The following CCNH variants were observed in gnomAD, a reference collection of about 807,000 sequenced individuals.
CCNH encodes the protein cyclin-H.
Under a neutral mutation model 41.9 loss-of-function variants are expected in CCNH, and 31 were observed. That is an observed-to-expected ratio of 0.74 (90% confidence interval 0.56 to 1.00). The LOEUF (loss-of-function observed/expected upper bound fraction) is 1.00, where lower values mean the gene tolerates loss of function less well. Among genes scored for constraint, CCNH ranks in the 50% least tolerant of loss-of-function variants. CCNH has a pLI of 0.00. For missense variants in CCNH, 362 were observed against 388.4 expected (o/e 0.93, Z 0.57); for synonymous variants, 138 against 136.1 (o/e 1.01, Z -0.10).
chr5:87,353,048 G>T, intron 9 of CCNH: 1 of 774,196 alleles, frequency 1.3e-6, no homozygotes, highest in Non-Finnish European at 2.2e-6. Flanking sequence ...TATGTGCTTT[G>T]AAAAAAATTT....
intron 9 of CCNH, chr5:87,333,152 A>G: frequency 6.9e-7 from 1 of 1,439,078 alleles, no homozygotes; most frequent in Non-Finnish European, 9.3e-7. Context: ...ATTTATTTGA[A>G]TGATCCCATG....
intron 4 of CCNH, among the ~76,000 whole-genome samples, chr5:87,407,203 C>T (rs930589205): frequency 6.6e-6 from 1 of 152,044 alleles, no homozygotes. Context: ...TTTTCCTTAC[C>T]CCTTAATCTG....
chr5:87,313,893 C>A (rs1421059952), downstream of CCNH, among the ~76,000 whole-genome samples: 1 of 152,116 alleles, frequency 6.6e-6, no homozygotes, highest in East Asian at 1.9e-4. Flanking sequence ...TTGGGCCGGG[C>A]GTGGTGGCTC....
intron 9 of CCNH, chr5:87,353,006 TATG>T: frequency 1.6e-6 from 1 of 631,420 alleles, no homozygotes; most frequent in Non-Finnish European, 2.9e-6. Flanking sequence ...ATATGAATGT[TATG>T]ATCATTTATT....
intron 9 of CCNH, chr5:87,363,273 G>T: frequency 7.6e-7 from 1 of 1,307,448 alleles, no homozygotes; most frequent in Non-Finnish European, 1.1e-6. Context: ...CATATTTTTA[G>T]AAACACTAAT....
chr5:87,405,124 C>T (rs1448682559), intron 4 of CCNH, 117 bp from the exon 5 acceptor site: 3 of 701,260 alleles, frequency 4.3e-6, no homozygotes, highest in Non-Finnish European at 7.2e-6. Flanking sequence ...TCTAAAGTTC[C>T]TAGCACAGTA....
intron 9 of CCNH, among the ~76,000 whole-genome samples, chr5:87,362,069 A>C (rs1332554447): frequency 6.6e-6 from 1 of 152,052 alleles, no homozygotes; most frequent in Non-Finnish European, 1.5e-5. Context: ...AGGTATTTGA[A>C]GTGTGTATGT....
intron 9 of CCNH, among the ~76,000 whole-genome samples, chr5:87,358,765 C>T (rs1205370061): frequency 6.6e-6 from 1 of 152,204 alleles, no homozygotes; most frequent in African/African-American, 2.4e-5. Flanking sequence ...CTACTATCCT[C>T]CTGCCACTCT....
chr5:87,338,299 T>C (rs1758125852), intron 9 of CCNH, among the ~76,000 whole-genome samples: 1 of 151,644 alleles, frequency 6.6e-6, no homozygotes, highest in African/African-American at 2.4e-5. Flanking sequence ...TTCAGAAAGC[T>C]TGTATGATTT....
chr5:87,312,404 G>A, the CCNH span, among the ~76,000 whole-genome samples: 1 of 152,134 alleles, frequency 6.6e-6, no homozygotes, highest in African/African-American at 2.4e-5. Context: ...TGAAGAATAT[G>A]TTATCTGTAT....
chr5:87,381,364 AATACCCCAACT>A (rs1236905013), upstream of CCNH, among the ~76,000 whole-genome samples: 8 of 152,216 alleles, frequency 5.3e-5, no homozygotes, highest in Admixed American at 5.2e-4. Flanking sequence ...TACTCCAACT[AATACCCCAACT>A]AATTCCAGGC....
At chr5:87,390,701 T>A (rs1580421858), downstream of CCNH, 1 of 921,652 alleles carries the variant, frequency 1.1e-6, no homozygotes, top group Non-Finnish European at 1.8e-6. Flanking sequence ...ATTTTATGCA[T>A]CCTTTTGCTT....
At position 87,382,242 on chromosome 5, in the gene CCNH, T is replaced by C. The variant is rs561060207; in HGVS notation, c.*90+10528A>G. 1.1e-3 allele frequency among the ~76,000 whole-genome samples: 175 copies of C among 152,300 alleles called. 1 individual carries two copies. Among genetic ancestry groups the C allele is most frequent in the African/African-American group, 4.1e-3 (172 of 41,580 alleles). ...GTTGGATTACAGGCATGAGCCACCA[T>C]GCCCAGCCAATATATTAGAATTTCT... On this transcript the variant is annotated intron_variant and NMD_transcript_variant, in intron 9 of 9. Coordinates refer to the CCNH transcript ENST00000645953.
chr5:87,325,661 C>A (rs1453914173), intron 9 of CCNH, among the ~76,000 whole-genome samples: 2 of 152,144 alleles, frequency 1.3e-5, no homozygotes, highest in African/African-American at 4.8e-5. Context: ...AAGGAAAAAC[C>A]AAGTGGAAAG....
At chr5:87,372,059 T>G, downstream of CCNH, 1 of 1,477,674 alleles carries the variant, frequency 6.8e-7, no homozygotes, top group African/African-American at 1.4e-5. Context: ...ACCTAACTGA[T>G]GATTTGGAAG....
intron 9 of CCNH, among the ~76,000 whole-genome samples, chr5:87,352,435 C>T (rs923815837): frequency 1.3e-5 from 2 of 151,274 alleles, no homozygotes; most frequent in East Asian, 3.9e-4. Flanking sequence ...TTTAAAATTC[C>T]AAGATTTCCA....
chr5:87,365,817 G>GT (rs1412138629), intron 9 of CCNH, among the ~76,000 whole-genome samples: 1 of 151,998 alleles, frequency 6.6e-6, no homozygotes, highest in East Asian at 1.9e-4. Flanking sequence ...TGCTAGTTAA[G>GT]TTTATGACTG....
chr5:87,346,571 A>T (rs1758876426), intron 9 of CCNH: 1 of 647,546 alleles, frequency 1.5e-6, no homozygotes, highest in Non-Finnish European at 2.6e-6. Context: ...CATTTATTTT[A>T]TCACTTTGAA....
intron 9 of CCNH, chr5:87,332,519 G>T: frequency 1.9e-6 from 3 of 1,606,606 alleles, no homozygotes; most frequent in Non-Finnish European, 2.6e-6. Flanking sequence ...TTATTGCTAT[G>T]TGTGGAGATT....
Sources: gnomAD v4.1 joint callset for allele counts (sites outside exome capture counted in the v4.1 genomes callset) on GRCh38, gnomAD v4.1.1 for gene constraint, MANE v1.5 for transcripts, NCBI Gene and HGNC (gene_info 2026-07-23, HGNC 2026-07-21) for gene names.